The following PPP3CC variants were observed in gnomAD, a reference collection of about 807,000 sequenced individuals.
PPP3CC encodes the protein serine/threonine-protein phosphatase 2B catalytic subunit gamma isoform.
PPP3CC carries 35 observed loss-of-function variants against 60.3 expected under a neutral mutation model. The observed-to-expected ratio is 0.58, with a 90% CI of 0.44 to 0.77. The LOEUF (loss-of-function observed/expected upper bound fraction) is 0.77, where lower values mean the gene tolerates loss of function less well. Among genes scored for constraint, PPP3CC ranks in the 30% least tolerant of loss-of-function variants. The probability of loss-of-function intolerance (pLI) is 0.00; values close to 1 mark genes in which losing one functional copy is unlikely to be tolerated. For synonymous variants in PPP3CC, 206 were observed against 224.3 expected (o/e 0.92, Z 0.73); for missense variants, 570 against 628.9 (o/e 0.91, Z 1.00).
At chr8:22,473,385 A>G (rs372258351) in intron 1 of PPP3CC, among the ~76,000 whole-genome samples, 1 of 152,170 alleles carries the variant, frequency 6.6e-6, no homozygotes, top group Admixed American at 6.6e-5. Flanking sequence ...GATATTATAT[A>G]TATAAACTTT....
At chr8:22,511,019 G>A in intron 4 of PPP3CC, 67 bp from the exon 5 acceptor site, 1 of 1,501,826 alleles carries the variant, frequency 6.7e-7, no homozygotes, top group South Asian at 1.2e-5. Flanking sequence ...TATTCTCCTG[G>A]CCTATATCCT....
At chr8:22,465,444 A>G (rs1293145837) in intron 1 of PPP3CC, among the ~76,000 whole-genome samples, 2 of 152,180 alleles carry the variant, frequency 1.3e-5, no homozygotes, top group Non-Finnish European at 2.9e-5. Flanking sequence ...TAAAAATAAA[A>G]TAAGTATGTA....
At chr8:22,482,893 A>G (rs1049574102) in intron 3 of PPP3CC, among the ~76,000 whole-genome samples, 1 of 152,198 alleles carries the variant, frequency 6.6e-6, no homozygotes, top group Admixed American at 6.6e-5. Context: ...TTAGTGTCAG[A>G]TCATAACAGT....
intron 3 of PPP3CC, among the ~76,000 whole-genome samples, chr8:22,479,084 A>G (rs1452210510): frequency 6.6e-6 from 1 of 152,180 alleles, no homozygotes; most frequent in Non-Finnish European, 1.5e-5. Context: ...ATAAACCTCT[A>G]TAGGCTATAG....
At chr8:22,506,758 A>G (rs1301279493) in intron 4 of PPP3CC, among the ~76,000 whole-genome samples, 1 of 151,072 alleles carries the variant, frequency 6.6e-6, no homozygotes, top group Non-Finnish European at 1.5e-5. Context: ...TGGCGAACAC[A>G]GTGAAACCCC....
chr8:22,509,374 C>G (rs1400378300), intron 4 of PPP3CC, among the ~76,000 whole-genome samples: 4 of 152,200 alleles, frequency 2.6e-5, no homozygotes, highest in African/African-American at 9.7e-5. Flanking sequence ...GCTTTGGTCT[C>G]TTGGTCCTGT....
At chr8:22,514,491 A>T (rs1017700009) in intron 6 of PPP3CC, among the ~76,000 whole-genome samples, 7 of 151,840 alleles carry the variant, frequency 4.6e-5, no homozygotes, top group African/African-American at 1.5e-4. Flanking sequence ...AATATTTTTT[A>T]AAATTTTTGT....
At chr8:22,480,865 A>G (rs12544074) in intron 3 of PPP3CC, among the ~76,000 whole-genome samples, 61,329 of 151,992 alleles carry the variant, frequency 0.4, 13,109 homozygotes, top group East Asian at 0.6. Context: ...GGAGGCCTAG[A>G]TGGGAGGCTA....
At chr8:22,476,007 T>TTC (rs1414871284) in intron 3 of PPP3CC, among the ~76,000 whole-genome samples, 1 of 152,216 alleles carries the variant, frequency 6.6e-6, no homozygotes, top group Non-Finnish European at 1.5e-5. Context: ...AACACTTAGA[T>TTC]TAACTGCCAG....
At chr8:22,538,392 T>G (rs1450262526) in intron 12 of PPP3CC, among the ~76,000 whole-genome samples, 1 of 152,232 alleles carries the variant, frequency 6.6e-6, no homozygotes, top group Non-Finnish European at 1.5e-5. Flanking sequence ...GACAGTGATT[T>G]AATACATGCC....
chr8:22,482,637 A>C (rs1321781758), intron 3 of PPP3CC, among the ~76,000 whole-genome samples: 1 of 152,146 alleles, frequency 6.6e-6, no homozygotes, highest in African/African-American at 2.4e-5. Context: ...GAAGCATATA[A>C]AAGTTTTGTT....
intron 1 of PPP3CC, among the ~76,000 whole-genome samples, chr8:22,446,779 C>G (rs1374496367): frequency 1.8e-5 from 2 of 114,018 alleles, no homozygotes; most frequent in African/African-American, 7.0e-5. Context: ...GCACTCTAGT[C>G]TGGGTGACAG....
At chr8:22,496,896 A>G (rs1315903927) in intron 3 of PPP3CC, among the ~76,000 whole-genome samples, 6 of 151,828 alleles carry the variant, frequency 4.0e-5, no homozygotes, top group African/African-American at 1.5e-4. Context: ...GGACATTTAA[A>G]TTTTTTCCTT....
chr8:22,458,012 AC>A (rs1837258109), intron 1 of PPP3CC, among the ~76,000 whole-genome samples: 1 of 152,056 alleles, frequency 6.6e-6, no homozygotes, highest in Non-Finnish European at 1.5e-5. Flanking sequence ...AACCGCTTGA[AC>A]CTGGGAGGCA....
intron 4 of PPP3CC, among the ~76,000 whole-genome samples, chr8:22,505,122 G>A (rs1305662222): frequency 1.4e-5 from 2 of 147,346 alleles, no homozygotes; most frequent in Admixed American, 1.4e-4. Flanking sequence ...CGCCTCCCAA[G>A]TTCAAGTGAT....
At chr8:22,466,804 C>T (rs1180435375) in intron 1 of PPP3CC, among the ~76,000 whole-genome samples, 3 of 152,078 alleles carry the variant, frequency 2.0e-5, no homozygotes, top group East Asian at 1.9e-4. Flanking sequence ...TCCAGGCTGA[C>T]GACTGTAGCT....
intron 3 of PPP3CC, among the ~76,000 whole-genome samples, chr8:22,493,687 C>T (rs1372821447): frequency 2.6e-5 from 4 of 152,118 alleles, no homozygotes; most frequent in African/African-American, 7.2e-5. Context: ...CCTTCAGGGG[C>T]AGTAACAGTC....
At chr8:22,479,756 A>G (rs1047651566) in intron 3 of PPP3CC, among the ~76,000 whole-genome samples, 30 of 151,726 alleles carry the variant, frequency 2.0e-4, no homozygotes, top group African/African-American at 6.3e-4. Flanking sequence ...AAAAAAAAAA[A>G]AAAAGAAAAG....
chr8:22,484,114 T>C (rs1168101425), intron 3 of PPP3CC, among the ~76,000 whole-genome samples: 1 of 152,136 alleles, frequency 6.6e-6, no homozygotes, highest in Non-Finnish European at 1.5e-5. Context: ...CCCAAAGTGC[T>C]AGGATTACAG....
Sources: allele counts gnomAD v4.1 joint callset (sites outside exome capture counted in the v4.1 genomes callset), GRCh38; gene constraint gnomAD v4.1.1; transcripts MANE v1.5; gene names NCBI Gene and HGNC (gene_info 2026-07-23, HGNC 2026-07-21).